Variants in GRK6 observed in about 807,000 individuals in gnomAD.
GRK6 encodes the protein G protein-coupled receptor kinase 6.
Under a neutral mutation model 80.8 loss-of-function variants are expected in GRK6, and 37 were observed. The ratio of observed to expected loss-of-function variants is 0.46; its 90% confidence interval spans 0.35 to 0.60. The LOEUF is 0.60. Ranked by LOEUF, GRK6 falls within the 20% of genes least tolerant of loss-of-function variation. GRK6 has a pLI of 0.00. For missense variants in GRK6, 560 were observed against 784.6 expected, an observed-to-expected ratio of 0.71 and a Z score of 3.42; for synonymous variants, 295 against 320.9, an observed-to-expected ratio of 0.92 and a Z score of 0.86.
At chr5:177,425,619 T>C (rs1422807407), upstream of GRK6, among the ~76,000 whole-genome samples, 1 of 152,260 alleles carries the variant, frequency 6.6e-6, no homozygotes, top group Non-Finnish European at 1.5e-5. Flanking sequence ...CCTGGCTATC[T>C]TGCTGCCATC....
rs74796961 is a variant in GRK6, at chr5:177,434,049, G to A, written c.874G>A (p.Ala292Thr). The change falls in exon 9 of 16, where the codon GCC becomes ACC. Residue 292 changes from alanine to threonine, a missense_variant. This residue lies in a region of GRK6 where 294 missense variants were observed against 397.4 expected (regional missense o/e 0.74). Coordinates refer to ENST00000355472, the MANE Select transcript of GRK6 (RefSeq NM_001004106.3). ...GFPEARAVFY[A>T]AEICCGLEDL... Reference sequence around the variant, plus strand: ...CCCCGAAGCGCGGGCCGTCTTCTACGCCGCCGAGATCTGCTGTGGCCTGGA... The same window carrying A: ...CCCCGAAGCGCGGGCCGTCTTCTACACCGCCGAGATCTGCTGTGGCCTGGA... The A allele has an allele frequency of 5.8e-4, 934 of 1,609,586 alleles. 5 individuals are homozygous for A. The African/African-American group carries it at 8.0e-3, about 14-fold the overall frequency.
rs1330224135 is a variant in GRK6 at position 177,442,159 on chromosome 5, G to A, written c.*369G>A. On this transcript the variant is annotated 3_prime_UTR_variant, in exon 16 of 16. Transcript: ENST00000355472. ...GGCTGGGAGAGCGGGAGCTGGCAGA[G>A]GAGCCACTGCCAAACTCAAGGCTCC... 6.8e-6 allele frequency: 2 copies of A among 292,820 alleles called. No individual in the cohort carries two copies. The highest frequency in any genetic ancestry group is 4.5e-5 in the African/African-American group (2 of 44,560). The allele number at this position is 292,820 out of a possible 1,614,324, so 18.1% of individuals were successfully genotyped here.
chr5:177,441,156 C>T, intron 15 of GRK6, 103 bp downstream of exon 15: 2 of 1,515,342 alleles, frequency 1.3e-6, no homozygotes, highest in Non-Finnish European at 9.0e-7. Flanking sequence ...GGGCGTCCTC[C>T]AGTCCTGTTG....
chr5:177,441,053 A>G lies in GRK6; in HGVS notation c.1677A>G (p.Gln559=), dbSNP rs55655231. 3,196 of 1,613,642 alleles carry G rather than the reference A, an allele frequency of 2.0e-3. 17 individuals are homozygous for G. The highest frequency in any genetic ancestry group is 4.5e-3 in the South Asian group (411 of 91,024). Reference sequence around the variant, plus strand: ...TGCTGCAGAGACTCTTCAGTCGCCAAGTAAGCCCCAGCAGCGGCCTACCTG... The same window carrying G: ...TGCTGCAGAGACTCTTCAGTCGCCAGGTAAGCCCCAGCAGCGGCCTACCTG... ...KGLLQRLFSR[Q]DCCGNCSDSE... is the part of the protein sequence containing the mutation. The change falls in exon 15 of 16, where the codon CAA becomes CAG. Residue 559 remains glutamine, a splice_region_variant and synonymous_variant. Transcript: ENST00000355472.
chr5:177,431,020 C>T, intron 2 of GRK6, 53 bp downstream of exon 2: 24 of 1,490,840 alleles, frequency 1.6e-5, no homozygotes, highest in East Asian at 2.3e-5. Flanking sequence ...CTGCTGGGGC[C>T]GGGGGAGCCT....
In GRK6 at chr5:177,436,256, C is replaced by T. The variant is rs753249774; in HGVS notation, c.1241C>T (p.Pro414Leu). The T allele has an allele frequency of 1.4e-5, 23 of 1,614,008 alleles. No individual in the cohort carries two copies. Among genetic ancestry groups the T allele is most frequent in the Middle Eastern group, 1.6e-4 (1 of 6,084 alleles). The change falls in exon 12 of 16, where the codon CCG becomes CTG. Residue 414 changes from proline to leucine, a missense_variant. Transcript: ENST00000355472. ...VPEEYSERFS[P>L]QARSLCSQLL... is the part of the protein sequence containing the mutation. ...GAGGAGTATTCCGAGCGCTTTTCCC[C>T]GCAGGCCCGCTCACTTTGCTCACAG...
intron 13 of GRK6, chr5:177,438,912 C>T (rs1049737591): frequency 3.3e-5 from 5 of 152,206 alleles, no homozygotes; most frequent in African/African-American, 1.2e-4. Flanking sequence ...CTATGTTTAA[C>T]CTTTTGGGGA....
chr5:177,430,859 A>G lies in GRK6; in HGVS notation c.53-13A>G. 9.3e-6 allele frequency: 15 copies of G among 1,613,274 alleles called. No homozygotes were observed. The highest frequency in any genetic ancestry group is 1.3e-5 in the Non-Finnish European group (15 of 1,179,362). On this transcript the variant is annotated splice_polypyrimidine_tract_variant and intron_variant, in intron 1 of 15. Coordinates refer to ENST00000355472, the MANE Select transcript of GRK6 (RefSeq NM_001004106.3). Reference sequence around the variant, plus strand: ...AGTGGGACTCGAGACCCAGTGTCCTATTGCTCCCACAGGTGGCGGTGGAAA... The same window carrying G: ...AGTGGGACTCGAGACCCAGTGTCCTGTTGCTCCCACAGGTGGCGGTGGAAA...
chr5:177,434,108 G>A lies in GRK6; in HGVS notation c.929+4G>A. On this transcript the variant is annotated splice_donor_region_variant and intron_variant, in intron 9 of 15. Coordinates refer to ENST00000355472, the MANE Select transcript of GRK6 (RefSeq NM_001004106.3). ...ACCGGGAGCGCATCGTGTACAGGTG[G>A]GGAGGGCTCGGCCACCCCAGGGGCT... is the stretch of plus-strand genomic sequence containing the variant. 1 of 1,552,740 alleles carries A rather than the reference G, an allele frequency of 6.4e-7. No individual in the cohort carries two copies. The highest frequency in any genetic ancestry group is 8.7e-7 in the Non-Finnish European group (1 of 1,149,870).
chr5:177,437,666 T>C (rs1279210546), intron 13 of GRK6, among the ~76,000 whole-genome samples: 1 of 152,250 alleles, frequency 6.6e-6, no homozygotes, highest in African/African-American at 2.4e-5. Context: ...CAGGGTTTCC[T>C]GCTGTGTGCC....
At chr5:177,440,270 T>C (rs1404587068) in intron 13 of GRK6, among the ~76,000 whole-genome samples, 2 of 152,126 alleles carry the variant, frequency 1.3e-5, no homozygotes, top group Non-Finnish European at 2.9e-5. Context: ...AGTCCTCTGA[T>C]TGGCTGGGAG....
chr5:177,438,269 G>A (rs1439054298), intron 13 of GRK6, among the ~76,000 whole-genome samples: 1 of 152,146 alleles, frequency 6.6e-6, no homozygotes, highest in African/African-American at 2.4e-5. Flanking sequence ...TCGGCAGACT[G>A]AGGCAGGAGA....
At chr5:177,432,138 C>T (rs1051252881) in intron 3 of GRK6, 31 bp downstream of exon 3, 12 of 1,607,722 alleles carry the variant, frequency 7.5e-6, no homozygotes, top group African/African-American at 5.3e-5. Flanking sequence ...CCCAGCCCCG[C>T]GGGTGGCCGA....
intron 11 of GRK6, among the ~76,000 whole-genome samples, chr5:177,435,727 C>T (rs1045467448): frequency 2.0e-5 from 3 of 152,238 alleles, no homozygotes; most frequent in African/African-American, 4.8e-5. Context: ...TCCTTCTTCT[C>T]GCTGATATTA....
intron 2 of GRK6, 132 bp downstream of exon 2, chr5:177,431,099 G>A: frequency 2.9e-6 from 2 of 687,336 alleles, no homozygotes; most frequent in African/African-American, 1.8e-5. Context: ...GATGAGGACT[G>A]CACCATTCAG....
Position 177,434,079 on chromosome 5 carries a change from C to A in GRK6, c.904C>A (p.Leu302Met). The A allele has an allele frequency of 6.3e-7, 1 of 1,598,112 alleles. No homozygotes were observed. The change falls in exon 9 of 16, where the codon CTG becomes ATG. Residue 302 changes from leucine to methionine, a missense_variant. This residue lies in a region of GRK6 where 294 missense variants were observed against 397.4 expected (regional missense o/e 0.74). Coordinates refer to ENST00000355472, the MANE Select transcript of GRK6 (RefSeq NM_001004106.3). ...CGAGATCTGCTGTGGCCTGGAGGAC[C>A]TGCACCGGGAGCGCATCGTGTACAG... is the stretch of plus-strand genomic sequence containing the variant. The part of the protein sequence containing the change: ...AAEICCGLED[L>M]HRERIVYRDL...
At chr5:177,439,205 AATTTATATG>A (rs2127380442) in intron 13 of GRK6, among the ~76,000 whole-genome samples, 1 of 152,350 alleles carries the variant, frequency 6.6e-6, no homozygotes, top group East Asian at 1.9e-4. Flanking sequence ...TATTGAGTTT[AATTTATATG>A]ATTTATATAC....
rs775765507 is a variant in GRK6, at chr5:177,441,076, C to T, written c.1677+23C>T. ...CAAGTAAGCCCCAGCAGCGGCCTAC[C>T]TGGGCCCCTAACCTGGCTCCAGGGG... On this transcript the variant is annotated intron_variant, in intron 15 of 15. Coordinates refer to ENST00000355472, the MANE Select transcript of GRK6 (RefSeq NM_001004106.3). 6 of 1,611,632 alleles carry T rather than the reference C, an allele frequency of 3.7e-6. No individual in the cohort carries two copies. In the African/African-American group the frequency reaches 8.0e-5, roughly 22 times the overall value.
chr5:177,433,492 A>G (rs778850285), intron 7 of GRK6, 44 bp from the exon 8 acceptor site: 12 of 1,612,580 alleles, frequency 7.4e-6, no homozygotes, highest in East Asian at 2.2e-5. Context: ...ATGCCCAGCA[A>G]TGGCACAGCT....
Sources: gnomAD v4.1 joint callset for allele counts (sites outside exome capture counted in the v4.1 genomes callset) on GRCh38, gnomAD v4.1.1 for gene constraint, gnomAD v4.1.1 regional missense constraint, MANE v1.5 for transcripts, NCBI Gene and HGNC (gene_info 2026-07-23, HGNC 2026-07-21) for gene names.